Variants in CLDN18 observed in about 807,000 individuals in gnomAD.
CLDN18 encodes claudin 18, also known as claudin-18.
A neutral mutation model predicts 25.0 loss-of-function variants in CLDN18; 20 were observed. That is an observed-to-expected ratio of 0.80 (90% CI 0.56 to 1.16). The LOEUF is 1.16. CLDN18 is among the 50% of genes most tolerant of loss of function. CLDN18 has a pLI of 0.00. For synonymous variants in CLDN18, 125 were observed against 135.6 expected, an observed-to-expected ratio of 0.92 and a Z score of 0.54; for missense variants, 297 against 345.4, an observed-to-expected ratio of 0.86 and a Z score of 1.11.
intron 1 of CLDN18, among the ~76,000 whole-genome samples, chr3:138,015,739 C>T (rs979020770): frequency 2.6e-5 from 4 of 152,172 alleles, no homozygotes; most frequent in African/African-American, 9.7e-5. Context: ...AAAATATATA[C>T]ATAAATAAAT....
rs528650968 is a variant in CLDN18, at chr3:138,033,235, C to G, written c.*2094C>G. 1 of 152,324 alleles carries G rather than the reference C, an allele frequency of 6.6e-6. No homozygotes were observed. Among genetic ancestry groups the G allele is most frequent in the African/African-American group, 2.4e-5 (1 of 41,576 alleles). The allele number at this position is 152,324 out of a possible 1,614,324, so 9.4% of individuals were successfully genotyped here. On this transcript the variant is annotated 3_prime_UTR_variant, in exon 5 of 5. Coordinates refer to ENST00000183605, the MANE Select transcript of CLDN18 (RefSeq NM_016369.4). ...TGAGACAGCAACATTTAAACCAAAC[C>G]AGAGGAAGTATTTGTGGAACTCACT...
At position 138,031,109 on chromosome 3, in the gene CLDN18, C is replaced by A; in HGVS notation, c.754C>A (p.Gln252Lys). 2 of 1,613,904 alleles carry A rather than the reference C, an allele frequency of 1.2e-6. No individual in the cohort carries two copies. Among genetic ancestry groups the A allele is most frequent in the Non-Finnish European group, 1.7e-6 (2 of 1,179,966 alleles). Residue 252 changes from glutamine to lysine, a missense_variant, in exon 5 of 5, where the codon CAA (glutamine) becomes AAA (lysine). Physicochemically the swap from Gln to Lys is moderately conservative, Grantham distance 53. Transcript: ENST00000183605. ...AGGTGCCCGCACAGAGGACGAGGTA[C>A]AATCTTATCCTTCCAAGCACGACTA... ...DGGARTEDEV[Q>K]SYPSKHDYV
rs549626279 is a variant in CLDN18, at chr3:138,024,277, C to T, written c.386-330C>T. On this transcript the variant is annotated intron_variant, in intron 2 of 4. Coordinates refer to ENST00000183605, the MANE Select transcript of CLDN18 (RefSeq NM_016369.4). The stretch of plus-strand genomic sequence containing the variant: ...TGATCCCTAAAAGGCATTTTCTTGG[C>T]GAGGCTTTAGAAAACGATTTTAAGG... Among the ~76,000 whole-genome samples, 13 of 151,910 alleles carry T rather than the reference C, an allele frequency of 8.6e-5. No homozygotes were observed. The South Asian group carries it at 2.1e-3, about 24-fold the overall frequency.
chr3:138,010,439 C>G lies in CLDN18; in HGVS notation c.214C>G (p.Leu72Val), dbSNP rs906212531. 1 of 1,614,210 alleles carries G rather than the reference C, an allele frequency of 6.2e-7. No homozygotes were observed. Among genetic ancestry groups the G allele is most frequent in the Admixed American group, 1.7e-5 (1 of 60,030 alleles). ...CAGGCCCTATTTCACCATCCTGGGA[C>G]TTCCAGGTAGGCACCGTGCACCCCG... ...ECRPYFTILGLPAMLQAVRAL... is the reference protein window; with the variant it reads ...ECRPYFTILGVPAMLQAVRAL... The change falls in exon 1 of 5, where the codon CTT becomes GTT. Residue 72 changes from leucine to valine, a missense_variant. Coordinates refer to ENST00000183605, the MANE Select transcript of CLDN18 (RefSeq NM_016369.4).
chr3:137,999,029 T>G, exon 1 of CLDN18: 1 of 1,614,186 alleles, frequency 6.2e-7, no homozygotes, highest in Non-Finnish European at 8.5e-7. Flanking sequence ...CGCTCCTGTG[T>G]CCGAGAGAGC....
At position 138,027,736 on chromosome 3, in the gene CLDN18, G is replaced by A. The variant is rs1227130228; in HGVS notation, c.504-2061G>A. On this transcript the variant is annotated intron_variant, in intron 3 of 4. Transcript: ENST00000183605. ...AAGCAATCACTCAACCATCCATAGG[G>A]GTATCAAGGACAGGGGCTCTGTCTG... Among the ~76,000 whole-genome samples, 2 of 152,156 alleles carry A rather than the reference G, an allele frequency of 1.3e-5. 1 individual carries two copies. The highest frequency in any genetic ancestry group is 4.1e-4 in the South Asian group (2 of 4,832).
At chr3:137,998,920 A>G in exon 1 of CLDN18, 1 of 1,614,204 alleles carries the variant, frequency 6.2e-7, no homozygotes, top group Non-Finnish European at 8.5e-7. Flanking sequence ...ACTGATTGGG[A>G]TTGCGGGCAT....
At chr3:137,999,488 C>T (rs1169794617) in intron 1 of CLDN18, among the ~76,000 whole-genome samples, 1 of 152,184 alleles carries the variant, frequency 6.6e-6, no homozygotes, top group Non-Finnish European at 1.5e-5. Context: ...GAACAGATTC[C>T]ATCTTCAGGC....
rs1942115180 is a variant in CLDN18, at chr3:138,010,177, G to C, written c.-49G>C. 1.3e-6 allele frequency: 2 copies of C among 1,592,710 alleles called. No individual in the cohort carries two copies. The highest frequency in any genetic ancestry group is 1.7e-6 in the Non-Finnish European group (2 of 1,169,630). On this transcript the variant is annotated 5_prime_UTR_variant, in exon 1 of 5. Coordinates refer to ENST00000183605, the MANE Select transcript of CLDN18 (RefSeq NM_016369.4). ...GCGCGTTAGCTTCACACCTTCGGCA[G>C]CAGGAGGGCGGCAGCTTCTCGCAGG...
intron 1 of CLDN18, among the ~76,000 whole-genome samples, chr3:138,003,427 AAG>A (rs1375440905): frequency 3.3e-5 from 5 of 152,316 alleles, no homozygotes; most frequent in African/African-American, 1.2e-4. Flanking sequence ...GTTTTCCAGA[AAG>A]AGAGACCATC....
intron 1 of CLDN18, among the ~76,000 whole-genome samples, chr3:138,022,745 A>G (rs901128523): frequency 1.3e-5 from 2 of 152,204 alleles, no homozygotes; most frequent in Non-Finnish European, 1.5e-5. Flanking sequence ...TGTTAAATTA[A>G]TTATACTTGT....
chr3:138,009,915 G>C, upstream of CLDN18: 1 of 362,106 alleles, frequency 2.8e-6, no homozygotes, highest in Non-Finnish European at 5.1e-6. Flanking sequence ...AGGAGCCGGA[G>C]CTGGAGGGAG....
intron 1 of CLDN18, among the ~76,000 whole-genome samples, chr3:138,002,627 T>C (rs1451970769): frequency 6.6e-6 from 1 of 152,206 alleles, no homozygotes; most frequent in Non-Finnish European, 1.5e-5. Context: ...AATGAAAGTA[T>C]GGAATTTTTA....
At chr3:138,005,872 C>T (rs1384909249), upstream of CLDN18, among the ~76,000 whole-genome samples, 15 of 151,926 alleles carry the variant, frequency 9.9e-5, no homozygotes, top group Admixed American at 8.5e-4. Context: ...CATAACATTG[C>T]CTTTTATTCA....
rs1942410292 is a variant in CLDN18, at chr3:138,032,609, T to C, written c.*1468T>C. The stretch of plus-strand genomic sequence containing the variant: ...AGCACTTTCCTGGCACTGTGGTCGG[T>C]TTTGTTTTGTTTTGCTTTGTTTAGA... On this transcript the variant is annotated 3_prime_UTR_variant, in exon 5 of 5. Transcript: ENST00000183605. The C allele has an allele frequency of 6.6e-6, 1 of 151,778 alleles. No individual in the cohort carries two copies. The highest frequency in any genetic ancestry group is 1.5e-5 in the Non-Finnish European group (1 of 67,976). The allele number at this position is 151,778 out of a possible 1,614,324, so 9.4% of individuals were successfully genotyped here.
In CLDN18 at chr3:138,010,486, G is replaced by A. The variant is rs749967723; in HGVS notation, c.220+41G>A. 3 of 1,610,196 alleles carry A rather than the reference G, an allele frequency of 1.9e-6. No homozygotes were observed. The East Asian group carries it at 6.7e-5, about 36-fold the overall frequency. The stretch of plus-strand genomic sequence containing the variant: ...CCCGGGGTAGAGCCAGGTGAACCAG[G>A]TGAGCAGGGAAGGGGGCGTTTGCGT... On this transcript the variant is annotated intron_variant, in intron 1 of 4. Coordinates refer to ENST00000183605, the MANE Select transcript of CLDN18 (RefSeq NM_016369.4).
At chr3:138,017,691 A>T (rs1687190566) in intron 1 of CLDN18, among the ~76,000 whole-genome samples, 1 of 152,242 alleles carries the variant, frequency 6.6e-6, no homozygotes, top group Non-Finnish European at 1.5e-5. Context: ...TGAAGTGATT[A>T]TAAGTTAGTT....
intron 1 of CLDN18, among the ~76,000 whole-genome samples, chr3:138,015,994 A>T (rs1942198935): frequency 6.6e-6 from 1 of 152,204 alleles, no homozygotes; most frequent in Non-Finnish European, 1.5e-5. Context: ...TGTATAACTG[A>T]TACCTCAAGA....
intron 1 of CLDN18, chr3:138,004,933 G>A (rs1942054073): frequency 1.3e-5 from 2 of 151,924 alleles, no homozygotes. Flanking sequence ...TATTTATTGA[G>A]CATACTTTAT....
Sources: gnomAD v4.1 joint callset for allele counts (sites outside exome capture counted in the v4.1 genomes callset) on GRCh38, gnomAD v4.1.1 for gene constraint, MANE v1.5 for transcripts, NCBI Gene and HGNC (gene_info 2026-07-23, HGNC 2026-07-21) for gene names.